The following PRDM8 variants were observed in gnomAD, a reference collection of about 807,000 sequenced individuals.
PRDM8 encodes PR domain zinc finger protein 8.
Under a neutral mutation model 46.5 loss-of-function variants are expected in PRDM8, and 13 were observed. That is an observed-to-expected ratio of 0.28 (90% CI 0.18 to 0.44). PRDM8 has a LOEUF of 0.44. PRDM8 is among the 20% of genes least tolerant of loss of function. The pLI, the probability that PRDM8 is intolerant of heterozygous loss-of-function variation, is 1.00. For missense variants in PRDM8, 998 were observed against 955.0 expected (o/e 1.04, Z -0.59); for synonymous variants, 473 against 438.4 (o/e 1.08, Z -0.98).
upstream of PRDM8, among the ~76,000 whole-genome samples, chr4:80,195,862 C>T (rs776060926): frequency 3.8e-4 from 56 of 149,324 alleles, no homozygotes; most frequent in Admixed American, 6.7e-4. Flanking sequence ...GGCAGCAATT[C>T]GGAATTTGCC....
At chr4:80,196,422 G>A, upstream of PRDM8, 3 of 985,442 alleles carry the variant, frequency 3.0e-6, no homozygotes, top group Non-Finnish European at 3.6e-6. Flanking sequence ...CCCCGTTGAA[G>A]GAGTCAACTT....
At chr4:80,194,278 C>T (rs751669067), upstream of PRDM8, 316 of 903,684 alleles carry the variant, frequency 3.5e-4, no homozygotes, top group Non-Finnish European at 4.0e-4. Context: ...CTTCTAATTA[C>T]TTAATTGGAA....
rs1738736025 is a variant in PRDM8 at position 80,203,380 on chromosome 4, C to G, written c.1918C>G (p.Leu640Val). Residue 640 changes from leucine to valine, a missense_variant, in exon 4 of 4, where the codon CTG (leucine) becomes GTG (valine). Physicochemically the swap from Leu to Val is conservative, Grantham distance 32. Coordinates refer to ENST00000415738, the MANE Select transcript of PRDM8 (RefSeq NM_001099403.2). Reference protein sequence around the residue: ...CNASFRMTSDLVYHMRSHHKK... With the variant: ...CNASFRMTSDVVYHMRSHHKK... ...TGCCTCCTTCCGCATGACCTCCGAC[C>G]TGGTGTACCATATGAGGTCGCACCA... 1 of 1,613,960 alleles carries G rather than the reference C, an allele frequency of 6.2e-7. No homozygotes were observed. The highest frequency in any genetic ancestry group is 1.7e-5 in the Admixed American group (1 of 60,012).
chr4:80,194,796 T>A (rs1302059428), upstream of PRDM8, among the ~76,000 whole-genome samples: 2 of 152,218 alleles, frequency 1.3e-5, no homozygotes, highest in African/African-American at 2.4e-5. Flanking sequence ...ATGAAGCATC[T>A]GTTGGCCAGA....
chr4:80,195,918 CACACACACACAG>C (rs1482470816), upstream of PRDM8: 3 of 183,880 alleles, frequency 1.6e-5, no homozygotes, highest in Admixed American at 8.7e-5. Context: ...CACACACACA[CACACACACACAG>C]AGAGAGAGAG....
In PRDM8 at chr4:80,203,056, G is replaced by A; in HGVS notation, c.1594G>A (p.Val532Met). The change falls in exon 4 of 4, where the codon GTG becomes ATG. Residue 532 changes from valine (V) to methionine (M), a missense_variant. Physicochemically the swap from Val to Met is conservative, Grantham distance 21. Coordinates refer to ENST00000415738, the MANE Select transcript of PRDM8 (RefSeq NM_001099403.2). Reference protein sequence around the residue: ...ALEPCHPADGVGPTRLYPAAA... With the variant: ...ALEPCHPADGMGPTRLYPAAA... ...CGAGCCATGCCACCCCGCCGACGGC[G>A]TGGGCCCCACCAGACTCTATCCCGC... 1 of 1,560,768 alleles carries A rather than the reference G, an allele frequency of 6.4e-7. No homozygotes were observed. The highest frequency in any genetic ancestry group is 8.6e-7 in the Non-Finnish European group (1 of 1,162,954).
Position 80,201,474 on chromosome 4 carries a change from C to T in PRDM8, c.404C>T (p.Thr135Ile), listed in dbSNP as rs746198786. ...CTAGTTTGGTACGGGAAAGAACTGACTGAGTTACTCTTGCTCTGCCCCTCT... is the reference window on the plus strand; with the variant it reads ...CTAGTTTGGTACGGGAAAGAACTGATTGAGTTACTCTTGCTCTGCCCCTCT... ...ELLVWYGKEL[T>I]ELLLLCPSRS... Residue 135 changes from threonine (T) to isoleucine (I), a missense_variant, in exon 3 of 4, where the codon ACT becomes ATT. Transcript: ENST00000415738. The T allele has an allele frequency of 7.4e-6, 12 of 1,614,006 alleles. No individual in the cohort carries two copies. In the Admixed American group the frequency reaches 1.7e-4, roughly 22 times the overall value.
At chr4:80,185,710 G>T (rs1353505698) in intron 1 of PRDM8, among the ~76,000 whole-genome samples, 1 of 152,214 alleles carries the variant, frequency 6.6e-6, no homozygotes, top group Non-Finnish European at 1.5e-5. Flanking sequence ...ATACGGATGA[G>T]TTCAGAGTTT....
At chr4:80,201,192 C>T in intron 2 of PRDM8, 98 bp from the exon 3 acceptor site, 1 of 1,185,138 alleles carries the variant, frequency 8.4e-7, no homozygotes, top group Admixed American at 2.2e-5. Context: ...AAAAGACTAA[C>T]ATAGAAGAAA....
rs868778574 is a variant in PRDM8 at position 80,191,456 on chromosome 4, G to A, written c.-982-16G>A. The A allele has an allele frequency of 1.3e-4, 13 of 98,284 alleles. 1 individual carries two copies. The highest frequency in any genetic ancestry group is 2.1e-4 in the Non-Finnish European group (12 of 57,454). The allele number at this position is 98,284 out of a possible 1,614,324, so 6.1% of individuals were successfully genotyped here. ...AAAAGGAGATTATGAATAATACCAC[G>A]GTTACTATATTACAGATACTATCAA... is the stretch of plus-strand genomic sequence containing the variant. On this transcript the variant is annotated splice_polypyrimidine_tract_variant and intron_variant, in intron 1 of 9. Coordinates refer to the PRDM8 transcript ENST00000339711.
At chr4:80,200,976 G>T (rs575497895) in intron 2 of PRDM8, among the ~76,000 whole-genome samples, 1 of 152,210 alleles carries the variant, frequency 6.6e-6, no homozygotes, top group South Asian at 2.1e-4. Context: ...TAACTTAGAA[G>T]TAAACTCTCA....
chr4:80,200,313 G>A lies in PRDM8; in HGVS notation c.219+14G>A, dbSNP rs779105720. The A allele has an allele frequency of 5.7e-6, 9 of 1,585,560 alleles. 1 individual carries two copies. The South Asian group carries it at 8.8e-5, about 16-fold the overall frequency. On this transcript the variant is annotated intron_variant, in intron 2 of 3. Coordinates refer to ENST00000415738, the MANE Select transcript of PRDM8 (RefSeq NM_001099403.2). Reference sequence around the variant, plus strand: ...TATATCTTTCGGGTAAGTCTCCACTGTAGCTGTGTAGGTGTATGAGGGTAA... The same window carrying A: ...TATATCTTTCGGGTAAGTCTCCACTATAGCTGTGTAGGTGTATGAGGGTAA...
upstream of PRDM8, chr4:80,196,193 C>A: frequency 1.1e-6 from 1 of 901,260 alleles, no homozygotes; most frequent in Non-Finnish European, 1.3e-6. Context: ...ACGAGGCTGT[C>A]TCCTTACGTT....
upstream of PRDM8, among the ~76,000 whole-genome samples, chr4:80,193,175 A>T (rs1452083371): frequency 6.6e-6 from 1 of 152,184 alleles, no homozygotes; most frequent in Non-Finnish European, 1.5e-5. Flanking sequence ...CCTTCCTCAC[A>T]GGCTACAAAA....
upstream of PRDM8, chr4:80,196,939 G>A (rs1293367937): frequency 2.0e-6 from 2 of 985,346 alleles, no homozygotes; most frequent in Non-Finnish European, 2.4e-6. Context: ...TCTCACCAAA[G>A]CGCATCCTTT....
upstream of PRDM8, chr4:80,196,207 G>A: frequency 1.1e-6 from 1 of 912,548 alleles, no homozygotes; most frequent in Non-Finnish European, 1.3e-6. Flanking sequence ...TTACGTTGTG[G>A]TTCTGCCTCC....
Position 80,203,365 on chromosome 4 carries a change from C to A in PRDM8, c.1903C>A (p.Arg635Ser). ...NWCAKCNASF[R>S]MTSDLVYHMR... Reference sequence around the variant, plus strand: ...GTGCGCCAAGTGCAATGCCTCCTTCCGCATGACCTCCGACCTGGTGTACCA... The same window carrying A: ...GTGCGCCAAGTGCAATGCCTCCTTCAGCATGACCTCCGACCTGGTGTACCA... Residue 635 changes from arginine (R) to serine (S), a missense_variant, in exon 4 of 4, where the codon CGC becomes AGC. Transcript: ENST00000415738. 1 of 1,614,076 alleles carries A rather than the reference C, an allele frequency of 6.2e-7. No homozygotes were observed. The highest frequency in any genetic ancestry group is 1.1e-5 in the South Asian group (1 of 91,060).
In PRDM8 at chr4:80,198,233, C is replaced by G. The variant is rs1738119638; in HGVS notation, c.-3+470C>G. Reference sequence around the variant, plus strand: ...GCTGCGACTCCGACCGCTATTAGCGCGGCGTAGTGAGGACCTTTTTGCCGT... The same window carrying G: ...GCTGCGACTCCGACCGCTATTAGCGGGGCGTAGTGAGGACCTTTTTGCCGT... On this transcript the variant is annotated intron_variant, in intron 1 of 3. Coordinates refer to ENST00000415738, the MANE Select transcript of PRDM8 (RefSeq NM_001099403.2). Among the ~76,000 whole-genome samples the G allele has an allele frequency of 2.0e-5, 3 of 152,204 alleles. No individual in the cohort carries two copies. The South Asian group carries it at 6.2e-4, about 31-fold the overall frequency.
upstream of PRDM8, chr4:80,197,016 C>A (rs925200725): frequency 4.1e-6 from 4 of 985,332 alleles, no homozygotes; most frequent in African/African-American, 1.7e-5. Context: ...CCGTTTATCA[C>A]CCCCAGGCAA....
Sources: allele counts gnomAD v4.1 joint callset (sites outside exome capture counted in the v4.1 genomes callset), GRCh38; gene constraint gnomAD v4.1.1; transcripts MANE v1.5; gene names NCBI Gene and HGNC (gene_info 2026-07-23, HGNC 2026-07-21).